TSPAN18: variants seen among roughly 807,000 people sequenced by gnomAD.
TSPAN18 encodes tetraspanin 18.
A neutral mutation model predicts 27.3 loss-of-function variants in TSPAN18; 14 were observed. That is an observed-to-expected ratio of 0.51 (90% CI 0.34 to 0.80). The LOEUF is 0.80. Among genes scored for constraint, TSPAN18 ranks in the 30% least tolerant of loss-of-function variants. The pLI, the probability that TSPAN18 is intolerant of heterozygous loss-of-function variation, is 0.01. For synonymous variants in TSPAN18, 143 were observed against 136.5 expected, an observed-to-expected ratio of 1.05 and a Z score of -0.33; for missense variants, 268 against 323.9, an observed-to-expected ratio of 0.83 and a Z score of 1.32.
intron 2 of TSPAN18, among the ~76,000 whole-genome samples, chr11:44,830,358 A>G (rs371282181): frequency 3.4e-4 from 52 of 152,358 alleles, no homozygotes; most frequent in African/African-American, 1.2e-3. Context: ...CAAGTGCCAT[A>G]GCAGGGAGAA....
intron 4 of TSPAN18, among the ~76,000 whole-genome samples, chr11:44,907,794 T>G (rs4755914): frequency 0.57 from 86,791 of 151,846 alleles, 27,748 homozygotes; most frequent in Non-Finnish European, 0.7. Flanking sequence ...GTGGCTCACA[T>G]CTGTAATCCC....
chr11:44,863,340 G>A (rs905428923), intron 3 of TSPAN18, among the ~76,000 whole-genome samples: 39 of 152,348 alleles, frequency 2.6e-4, no homozygotes, highest in Admixed American at 1.8e-3. Flanking sequence ...CTTCTTTCCC[G>A]CAGGCCTCCA....
intron 2 of TSPAN18, among the ~76,000 whole-genome samples, chr11:44,790,254 CAT>C (rs1185490029): frequency 4.8e-5 from 7 of 145,342 alleles, no homozygotes; most frequent in East Asian, 2.0e-4. Context: ...CCTGTGCGTG[CAT>C]ATGTTTATGT....
At chr11:44,754,958 T>C (rs1311772530) in intron 1 of TSPAN18, among the ~76,000 whole-genome samples, 1 of 152,136 alleles carries the variant, frequency 6.6e-6, no homozygotes, top group African/African-American at 2.4e-5. Context: ...GCTGTGTCTG[T>C]CTATGGCAGG....
chr11:44,915,805 C>T (rs577278818), intron 5 of TSPAN18, among the ~76,000 whole-genome samples: 2 of 152,316 alleles, frequency 1.3e-5, no homozygotes, highest in South Asian at 4.2e-4. Context: ...TCTCCAGCTT[C>T]AGCTTCCTCA....
chr11:44,814,154 A>G (rs1039000357), intron 2 of TSPAN18, among the ~76,000 whole-genome samples: 3 of 152,168 alleles, frequency 2.0e-5, no homozygotes, highest in Non-Finnish European at 4.4e-5. Context: ...CCCAGACTTC[A>G]TTTCCTTTAC....
chr11:44,823,789 T>C (rs1187880328), intron 2 of TSPAN18, among the ~76,000 whole-genome samples: 1 of 152,140 alleles, frequency 6.6e-6, no homozygotes, highest in Non-Finnish European at 1.5e-5. Flanking sequence ...TGAATAGAAC[T>C]GATATCATCA....
intron 2 of TSPAN18, among the ~76,000 whole-genome samples, chr11:44,800,553 C>T (rs548388722): frequency 6.6e-6 from 1 of 152,336 alleles, no homozygotes; most frequent in African/African-American, 2.4e-5. Context: ...TGAAGTTCCC[C>T]TTCCATAGGG....
chr11:44,768,965 C>T (rs1855629915), intron 2 of TSPAN18, among the ~76,000 whole-genome samples: 1 of 132,384 alleles, frequency 7.6e-6, no homozygotes, highest in Non-Finnish European at 1.5e-5. Context: ...GGTGCGATTT[C>T]TGGTCACTGC....
At chr11:44,819,889 C>T (rs1761295213) in intron 2 of TSPAN18, among the ~76,000 whole-genome samples, 1 of 152,140 alleles carries the variant, frequency 6.6e-6, no homozygotes, top group Non-Finnish European at 1.5e-5. Flanking sequence ...TGTAAAGGTA[C>T]AGACAGATCC....
chr11:44,739,740 ACT>A (rs1473501197), intron 1 of TSPAN18, among the ~76,000 whole-genome samples: 2 of 152,130 alleles, frequency 1.3e-5, no homozygotes, highest in East Asian at 1.9e-4. Context: ...ATGGAAGGTC[ACT>A]CTCAATCTTA....
intron 2 of TSPAN18, among the ~76,000 whole-genome samples, chr11:44,789,871 T>A (rs375229136): frequency 6.6e-6 from 1 of 152,214 alleles, no homozygotes; most frequent in Non-Finnish European, 1.5e-5. Context: ...CTCCTAATTC[T>A]TGTCTCTGTG....
At chr11:44,899,453 A>G (rs191890859) in intron 3 of TSPAN18, among the ~76,000 whole-genome samples, 1 of 152,344 alleles carries the variant, frequency 6.6e-6, no homozygotes, top group African/African-American at 2.4e-5. Flanking sequence ...ACCCAGTTTG[A>G]GCACCATTGA....
Position 44,841,124 on chromosome 11 carries a change from G to A in TSPAN18, c.-152-19204G>A, listed in dbSNP as rs116603786. On this transcript the variant is annotated intron_variant, in intron 2 of 9. Transcript: ENST00000520358. ...ATTGAGTGTCTACTGCGTATGTGCC[G>A]GAGGGTTTGGTGGTGACAGACACAG... Among the ~76,000 whole-genome samples the A allele has an allele frequency of 9.1e-4, 138 of 152,264 alleles. 1 individual carries two copies. The Middle Eastern group carries it at 0.01, about 11-fold the overall frequency.
In TSPAN18 at chr11:44,929,532, T is replaced by C; in HGVS notation, c.*354T>C. 1 of 266,062 alleles carries C rather than the reference T, an allele frequency of 3.8e-6. No homozygotes were observed. Among genetic ancestry groups the C allele is most frequent in the Non-Finnish European group, 7.1e-6 (1 of 141,620 alleles). The allele number at this position is 266,062 out of a possible 1,614,324, so 16.5% of individuals were successfully genotyped here. On this transcript the variant is annotated 3_prime_UTR_variant, in exon 10 of 10. Coordinates refer to ENST00000520358, the MANE Select transcript of TSPAN18 (RefSeq NM_130783.5). ...CCTCTCTCCTCACTGCACCAGGACC[T>C]GATGCCAAGAAAGTGAGGATTTAGG...
intron 2 of TSPAN18, among the ~76,000 whole-genome samples, chr11:44,842,382 A>G (rs1188364065): frequency 3.9e-5 from 6 of 152,230 alleles, no homozygotes; most frequent in African/African-American, 1.4e-4. Context: ...GTAAAGATAC[A>G]TCTGCTAGCA....
At chr11:44,763,450 C>A (rs1855498112) in intron 1 of TSPAN18, among the ~76,000 whole-genome samples, 1 of 152,126 alleles carries the variant, frequency 6.6e-6, no homozygotes, top group African/African-American at 2.4e-5. Flanking sequence ...GACTTCTAAC[C>A]CCACTGGCAT....
chr11:44,738,774 G>A (rs1460459122), intron 1 of TSPAN18, among the ~76,000 whole-genome samples: 1 of 152,176 alleles, frequency 6.6e-6, no homozygotes, highest in African/African-American at 2.4e-5. Flanking sequence ...CTAGGGGTTA[G>A]GGCTTAAATA....
At chr11:44,752,883 A>G (rs1221051034) in intron 1 of TSPAN18, among the ~76,000 whole-genome samples, 2 of 152,224 alleles carry the variant, frequency 1.3e-5, no homozygotes, top group Non-Finnish European at 2.9e-5. Context: ...ACTAGCCAAA[A>G]AAATCTACAA....
Sources: allele counts gnomAD v4.1 joint callset (sites outside exome capture counted in the v4.1 genomes callset), GRCh38; gene constraint gnomAD v4.1.1; transcripts MANE v1.5; gene names NCBI Gene and HGNC (gene_info 2026-07-23, HGNC 2026-07-21).